Variants in ADAMTSL1 observed in about 807,000 individuals in gnomAD.
The protein encoded by ADAMTSL1 is ADAMTS like 1.
A neutral mutation model predicts 201.8 loss-of-function variants in ADAMTSL1; 126 were observed. The observed-to-expected ratio is 0.62, with a 90% CI of 0.54 to 0.72. The LOEUF is 0.72. Among genes scored for constraint, ADAMTSL1 ranks in the 30% least tolerant of loss-of-function variants. The probability of loss-of-function intolerance (pLI) is 0.00; values close to 1 mark genes in which losing one functional copy is unlikely to be tolerated. For synonymous variants in ADAMTSL1, 1,121 were observed against 903.4 expected (o/e 1.24, Z -4.32); for missense variants, 2,679 against 2,277.8 (o/e 1.18, Z -3.59).
chr9:17,919,368 G>T (rs1588415036), intron 1 of ADAMTSL1, among the ~76,000 whole-genome samples: 1 of 151,680 alleles, frequency 6.6e-6, no homozygotes, highest in South Asian at 2.1e-4. Context: ...AAACGGTTCT[G>T]GTTCATTGGT....
chr9:18,442,109 C>T (rs954902889), intron 2 of ADAMTSL1, among the ~76,000 whole-genome samples: 1 of 152,184 alleles, frequency 6.6e-6, no homozygotes, highest in Non-Finnish European at 1.5e-5. Flanking sequence ...TGTCCTTTAA[C>T]ACTCTCCATA....
chr9:18,563,183 G>A (rs1821647163), intron 3 of ADAMTSL1, among the ~76,000 whole-genome samples: 1 of 152,110 alleles, frequency 6.6e-6, no homozygotes, highest in South Asian at 2.1e-4. Context: ...TTTGGTGACT[G>A]AATGGGTTTT....
At chr9:18,400,587 C>T (rs139478963) in intron 2 of ADAMTSL1, among the ~76,000 whole-genome samples, 69 of 152,234 alleles carry the variant, frequency 4.5e-4, no homozygotes, top group African/African-American at 1.6e-3. Context: ...GATGTATTTG[C>T]AATTGTACAT....
At chr9:18,834,255 T>C (rs1363594477) in intron 23 of ADAMTSL1, among the ~76,000 whole-genome samples, 2 of 152,216 alleles carry the variant, frequency 1.3e-5, no homozygotes, top group African/African-American at 4.8e-5. Flanking sequence ...GGAATAACAT[T>C]GAATCTGTAA....
chr9:18,467,148 T>C (rs1244961451), intron 2 of ADAMTSL1, among the ~76,000 whole-genome samples: 3 of 152,140 alleles, frequency 2.0e-5, no homozygotes. Context: ...TTTCACAGAA[T>C]TTACAATCTA....
intron 1 of ADAMTSL1, among the ~76,000 whole-genome samples, chr9:18,089,404 G>T (rs1256908217): frequency 6.7e-6 from 1 of 149,664 alleles, no homozygotes; most frequent in Admixed American, 6.7e-5. Context: ...TCATAAGTGG[G>T]AGTTGAACAA....
chr9:18,212,842 C>T (rs537221711), intron 2 of ADAMTSL1, among the ~76,000 whole-genome samples: 30 of 152,190 alleles, frequency 2.0e-4, no homozygotes, highest in Non-Finnish European at 3.7e-4. Context: ...TTCAACATTC[C>T]CCACAAATTT....
At chr9:17,984,818 G>C (rs13284643) in intron 1 of ADAMTSL1, among the ~76,000 whole-genome samples, 1 of 151,982 alleles carries the variant, frequency 6.6e-6, no homozygotes, top group Non-Finnish European at 1.5e-5. Context: ...CTCTGATTTA[G>C]GCTTTTCCTC....
Position 18,077,858 on chromosome 9 carries a change from T to C in ADAMTSL1, c.88-86004T>C, listed in dbSNP as rs372638018. ...AGAGAGATGGAGAGGGGCTAGCCTT[T>C]TATGCAGGAGTTGTCTTTGGATGTA... On this transcript the variant is annotated intron_variant, in intron 1 of 29. Transcript: ENST00000680146. Among the ~76,000 whole-genome samples, 225 of 152,200 alleles carry C rather than the reference T, an allele frequency of 1.5e-3. 6 individuals carry two copies. In the South Asian group the frequency reaches 0.046, roughly 31 times the overall value.
chr9:18,133,978 T>C (rs1391612517), intron 1 of ADAMTSL1, among the ~76,000 whole-genome samples: 1 of 152,158 alleles, frequency 6.6e-6, no homozygotes, highest in Non-Finnish European at 1.5e-5. Context: ...TTGGAATGTA[T>C]TGAGAGAAGA....
intron 14 of ADAMTSL1, chr9:18,718,387 C>T (rs1833100624): frequency 2.8e-6 from 2 of 702,976 alleles, no homozygotes; most frequent in Non-Finnish European, 5.4e-6. Context: ...CACTGCTGTG[C>T]ATCTACTTCA....
chr9:18,430,584 C>T (rs986818296), intron 2 of ADAMTSL1, among the ~76,000 whole-genome samples: 1 of 152,150 alleles, frequency 6.6e-6, no homozygotes, highest in Admixed American at 6.5e-5. Flanking sequence ...ATGTGACTTA[C>T]TCCTGGGATC....
intron 3 of ADAMTSL1, among the ~76,000 whole-genome samples, chr9:18,569,655 G>A (rs1050659965): frequency 6.6e-6 from 1 of 152,112 alleles, no homozygotes; most frequent in Non-Finnish European, 1.5e-5. Flanking sequence ...TTTTTTGCCA[G>A]GTTCTTGTTA....
chr9:17,978,427 C>T (rs545021452), intron 1 of ADAMTSL1, among the ~76,000 whole-genome samples: 9 of 151,662 alleles, frequency 5.9e-5, no homozygotes, highest in Non-Finnish European at 1.2e-4. Context: ...TGGTATTATT[C>T]GATTTCTTTC....
intron 2 of ADAMTSL1, among the ~76,000 whole-genome samples, chr9:18,422,465 T>C (rs1305225563): frequency 2.7e-5 from 4 of 147,394 alleles, no homozygotes; most frequent in South Asian, 2.1e-4. Context: ...TGGTTTGTCA[T>C]GCATTTTTTT....
chr9:18,498,364 T>C (rs1487497699), intron 1 of ADAMTSL1, among the ~76,000 whole-genome samples: 1 of 150,584 alleles, frequency 6.6e-6, no homozygotes, highest in African/African-American at 2.4e-5. Context: ...GAGATGGGAT[T>C]TTACTCTTGT....
chr9:18,045,726 GA>G (rs1158204715), intron 1 of ADAMTSL1, among the ~76,000 whole-genome samples: 4 of 151,500 alleles, frequency 2.6e-5, no homozygotes, highest in Non-Finnish European at 4.4e-5. Flanking sequence ...TATCTGGCTT[GA>G]AAAAAAAGCC....
At chr9:18,758,072 T>C (rs942528126) in intron 16 of ADAMTSL1, among the ~76,000 whole-genome samples, 5 of 152,204 alleles carry the variant, frequency 3.3e-5, no homozygotes, top group Admixed American at 3.3e-4. Context: ...TTAATAGGAA[T>C]TTGAACATTC....
intron 2 of ADAMTSL1, among the ~76,000 whole-genome samples, chr9:18,176,964 A>T (rs1828194842): frequency 6.6e-6 from 1 of 152,238 alleles, no homozygotes; most frequent in Admixed American, 6.5e-5. Context: ...GGAGTTGATG[A>T]GCACAGAAAA....
Sources: gnomAD v4.1 joint callset for allele counts (sites outside exome capture counted in the v4.1 genomes callset) on GRCh38, gnomAD v4.1.1 for gene constraint, MANE v1.5 for transcripts, NCBI Gene and HGNC (gene_info 2026-07-23, HGNC 2026-07-21) for gene names.